The following NUMB variants were observed in gnomAD, a reference collection of about 807,000 sequenced individuals.
The protein encoded by NUMB is NUMB endocytic adaptor protein, also known as protein numb homolog.
NUMB carries 29 observed loss-of-function variants against 59.7 expected under a neutral mutation model. The observed-to-expected ratio is 0.49, with a 90% CI of 0.36 to 0.66. NUMB has a LOEUF of 0.66. NUMB is among the 30% of genes least tolerant of loss of function. The probability of loss-of-function intolerance (pLI) is 0.00; values close to 1 mark genes in which losing one functional copy is unlikely to be tolerated. For synonymous variants in NUMB, 288 were observed against 288.2 expected, an observed-to-expected ratio of 1.00 and a Z score of 0.01; for missense variants, 723 against 822.0, an observed-to-expected ratio of 0.88 and a Z score of 1.47.
Position 73,379,050 on chromosome 14 carries a change from T to C in NUMB, c.-100-12069A>G, listed in dbSNP as rs375930331. On this transcript the variant is annotated intron_variant, in intron 2 of 12. Transcript: ENST00000555238. Reference sequence around the variant, plus strand: ...AAAATAAAGTCTATTTTCTTAAAAATTGCCACCAGATTCAAAGAGGCGGCT... The same window carrying C: ...AAAATAAAGTCTATTTTCTTAAAAACTGCCACCAGATTCAAAGAGGCGGCT... Among the ~76,000 whole-genome samples the C allele has an allele frequency of 7.9e-4, 120 of 152,222 alleles. 2 individuals carry two copies. The South Asian group carries it at 0.024, about 31-fold the overall frequency.
intron 1 of NUMB, among the ~76,000 whole-genome samples, chr14:73,450,886 T>G (rs1200221304): frequency 6.6e-6 from 1 of 151,798 alleles, no homozygotes; most frequent in South Asian, 2.1e-4. Context: ...ACGCAGTGAC[T>G]CACGCCTGTA....
chr14:73,428,525 G>A (rs760948758), intron 1 of NUMB, among the ~76,000 whole-genome samples: 34 of 152,278 alleles, frequency 2.2e-4, no homozygotes, highest in South Asian at 8.3e-4. Flanking sequence ...TAGGCACAGC[G>A]CCTCGTGTCT....
At chr14:73,407,601 A>G (rs1018374643) in intron 2 of NUMB, among the ~76,000 whole-genome samples, 6 of 152,216 alleles carry the variant, frequency 3.9e-5, no homozygotes, top group Non-Finnish European at 8.8e-5. Context: ...GTTATTTTCC[A>G]TTATAGAATT....
chr14:73,420,303 A>T (rs1313936564), intron 1 of NUMB, among the ~76,000 whole-genome samples: 1 of 152,196 alleles, frequency 6.6e-6, no homozygotes, highest in Non-Finnish European at 1.5e-5. Flanking sequence ...ACAGACTCAC[A>T]CTCCAAAGGA....
intron 8 of NUMB, among the ~76,000 whole-genome samples, chr14:73,288,272 G>T (rs570691199): frequency 6.6e-6 from 1 of 152,134 alleles, no homozygotes; most frequent in South Asian, 2.1e-4. Flanking sequence ...AAAAAATTAG[G>T]CCAGGTGCGA....
intron 3 of NUMB, chr14:73,357,123 C>T (rs1893830955): frequency 1.9e-6 from 1 of 517,664 alleles, no homozygotes; most frequent in Non-Finnish European, 2.5e-6. Context: ...AAAGTGTTGG[C>T]CGGGTGTGGC....
At position 73,450,996 on chromosome 14, in the gene NUMB, A is replaced by G. The variant is rs558528894; in HGVS notation, c.-233+7497T>C. 2.0e-5 allele frequency among the ~76,000 whole-genome samples: 3 copies of G among 151,940 alleles called. No homozygotes were observed. In the South Asian group the frequency reaches 6.2e-4, roughly 32 times the overall value. Reference sequence around the variant, plus strand: ...GTGAAATCCCGTCTCTACTAAAAATACAAAAAAGTTAGCTGGGCATGCTAG... The same window carrying G: ...GTGAAATCCCGTCTCTACTAAAAATGCAAAAAAGTTAGCTGGGCATGCTAG... On this transcript the variant is annotated intron_variant, in intron 1 of 12. Transcript: ENST00000555238.
Position 73,367,607 on chromosome 14 carries a change from C to T in NUMB, c.-100-626G>A, listed in dbSNP as rs117621404. On this transcript the variant is annotated intron_variant, in intron 2 of 12. Coordinates refer to ENST00000555238, the MANE Select transcript of NUMB (RefSeq NM_001005743.2). ...TGAGCAACATAGGGAAACCTCGCCT[C>T]TACAAAAAACTTTAAAAATTAGCCA... is the stretch of plus-strand genomic sequence containing the variant. Among the ~76,000 whole-genome samples, 1,020 of 151,582 alleles carry T rather than the reference C, an allele frequency of 6.7e-3. 5 individuals are homozygous for T. The highest frequency in any genetic ancestry group is 0.029 in the South Asian group (140 of 4,780).
At chr14:73,424,927 T>C (rs906346969) in intron 1 of NUMB, among the ~76,000 whole-genome samples, 2 of 152,242 alleles carry the variant, frequency 1.3e-5, no homozygotes, top group South Asian at 2.1e-4. Context: ...AACATATAAG[T>C]CATAACCTAA....
chr14:73,429,401 T>C (rs957220655), intron 1 of NUMB, among the ~76,000 whole-genome samples: 1 of 152,054 alleles, frequency 6.6e-6, no homozygotes, highest in African/African-American at 2.4e-5. Flanking sequence ...TCTTTCCCTA[T>C]AGTTTTGCCT....
At chr14:73,414,510 G>A (rs886546624) in intron 1 of NUMB, among the ~76,000 whole-genome samples, 4 of 151,686 alleles carry the variant, frequency 2.6e-5, no homozygotes, top group Non-Finnish European at 4.4e-5. Context: ...CTCTAGCCTC[G>A]GCCACCTGAG....
chr14:73,441,693 T>C (rs1045216414), intron 1 of NUMB, among the ~76,000 whole-genome samples: 2 of 151,804 alleles, frequency 1.3e-5, no homozygotes, highest in African/African-American at 4.8e-5. Context: ...CTGGGCAACA[T>C]AGCAAGACCC....
chr14:73,326,925 C>T (rs190622429), intron 4 of NUMB, among the ~76,000 whole-genome samples: 1 of 150,384 alleles, frequency 6.6e-6, no homozygotes, highest in Non-Finnish European at 1.5e-5. Context: ...CAAAGTCATA[C>T]ACACAGCTAG....
chr14:73,436,699 G>C (rs1898066869), intron 1 of NUMB, among the ~76,000 whole-genome samples: 1 of 151,968 alleles, frequency 6.6e-6, no homozygotes, highest in Non-Finnish European at 1.5e-5. Flanking sequence ...AGAAACTCTT[G>C]GCCGGGCGCG....
intron 2 of NUMB, among the ~76,000 whole-genome samples, chr14:73,381,515 T>C (rs1895244265): frequency 6.6e-6 from 1 of 152,220 alleles, no homozygotes; most frequent in Non-Finnish European, 1.5e-5. Flanking sequence ...CAACCCATTA[T>C]TTTTCCCTAA....
chr14:73,333,494 A>T (rs566574691), intron 4 of NUMB, among the ~76,000 whole-genome samples: 2 of 152,104 alleles, frequency 1.3e-5, no homozygotes, highest in South Asian at 4.1e-4. Flanking sequence ...AGCCTCCAAA[A>T]GTGCTGGGAT....
intron 3 of NUMB, among the ~76,000 whole-genome samples, chr14:73,360,519 T>C (rs1208622058): frequency 3.9e-5 from 6 of 151,926 alleles, no homozygotes; most frequent in African/African-American, 9.7e-5. Context: ...GATCACACCA[T>C]TGCACTCCAT....
intron 3 of NUMB, among the ~76,000 whole-genome samples, chr14:73,357,844 A>G (rs958940914): frequency 1.7e-4 from 26 of 150,792 alleles, no homozygotes; most frequent in Admixed American, 1.6e-3. Flanking sequence ...AAAAACCTAT[A>G]TCCTTACTCA....
chr14:73,277,427 G>C, intron 12 of NUMB, 134 bp from the exon 13 acceptor site: 1 of 719,742 alleles, frequency 1.4e-6, no homozygotes, highest in South Asian at 2.0e-5. Context: ...GTTTTGATAG[G>C]TAGGAGTAAA....
Sources: allele counts gnomAD v4.1 joint callset (sites outside exome capture counted in the v4.1 genomes callset), GRCh38; gene constraint gnomAD v4.1.1; transcripts MANE v1.5; gene names NCBI Gene and HGNC (gene_info 2026-07-23, HGNC 2026-07-21).